The following UBE2E2 variants were observed in gnomAD, a reference collection of about 807,000 sequenced individuals.
UBE2E2 encodes the protein ubiquitin conjugating enzyme E2 E2.
In UBE2E2, 6 loss-of-function variants were observed where a neutral mutation model predicts 24.7. The ratio of observed to expected loss-of-function variants is 0.24; its 90% CI spans 0.13 to 0.48. The LOEUF is 0.48. Among genes scored for constraint, UBE2E2 ranks in the 20% least tolerant of loss-of-function variants. The pLI is 0.99. For missense variants in UBE2E2, 169 were observed against 245.0 expected, an observed-to-expected ratio of 0.69 and a Z score of 2.07; for synonymous variants, 104 against 83.6, an observed-to-expected ratio of 1.24 and a Z score of -1.33.
intron 3 of UBE2E2, among the ~76,000 whole-genome samples, chr3:23,238,132 T>G (rs12330479): frequency 1.3e-5 from 2 of 151,854 alleles, no homozygotes; most frequent in Non-Finnish European, 2.9e-5. Flanking sequence ...GAAAAAAGCC[T>G]GGTTCCCTTG....
chr3:23,459,115 G>C (rs764453723), intron 3 of UBE2E2, among the ~76,000 whole-genome samples: 1 of 152,108 alleles, frequency 6.6e-6, no homozygotes, highest in Non-Finnish European at 1.5e-5. Flanking sequence ...ACTAAACACA[G>C]ATCTTCTGTG....
intron 3 of UBE2E2, among the ~76,000 whole-genome samples, chr3:23,296,268 C>T (rs1466296574): frequency 6.6e-6 from 1 of 151,880 alleles, no homozygotes; most frequent in East Asian, 1.9e-4. Flanking sequence ...TATTTCCAGT[C>T]ACAAAAAAAT....
intron 3 of UBE2E2, among the ~76,000 whole-genome samples, chr3:23,315,864 T>C (rs778149482): frequency 1.3e-5 from 2 of 152,172 alleles, no homozygotes; most frequent in Non-Finnish European, 2.9e-5. Context: ...CTGTGATTCT[T>C]GCAGACCTGT....
chr3:23,409,830 GT>G (rs1303756630), intron 3 of UBE2E2, among the ~76,000 whole-genome samples: 1 of 152,068 alleles, frequency 6.6e-6, no homozygotes, highest in African/African-American at 2.4e-5. Flanking sequence ...AGTCCTTAGA[GT>G]TTTTTAGCTT....
intron 3 of UBE2E2, among the ~76,000 whole-genome samples, chr3:23,371,056 G>A (rs1696386242): frequency 6.6e-6 from 1 of 152,054 alleles, no homozygotes; most frequent in South Asian, 2.1e-4. Context: ...TAGAAATGGG[G>A]TTTTGCTCCA....
intron 3 of UBE2E2, among the ~76,000 whole-genome samples, chr3:23,462,606 T>C (rs959689747): frequency 2.6e-5 from 4 of 152,124 alleles, no homozygotes; most frequent in African/African-American, 9.7e-5. Context: ...TAAGTGACAT[T>C]AGGAACAGGA....
intron 3 of UBE2E2, among the ~76,000 whole-genome samples, chr3:23,426,442 A>G (rs1469926194): frequency 1.3e-5 from 2 of 151,678 alleles, no homozygotes; most frequent in South Asian, 2.1e-4. Flanking sequence ...AAAGCTACAC[A>G]TAGTCATATC....
Position 23,335,613 on chromosome 3 carries a change from C to T in UBE2E2, c.227+118301C>T, listed in dbSNP as rs181164514. On this transcript the variant is annotated intron_variant, in intron 3 of 5. Transcript: ENST00000396703. ...TGGCACTATCATGGCTCACTCACTG[C>T]AGCTGGGGACTCCTGGGCTCAAGTG... Among the ~76,000 whole-genome samples the T allele has an allele frequency of 1.8e-3, 269 of 152,298 alleles. 3 individuals are homozygous for T. Among genetic ancestry groups the T allele is most frequent in the African/African-American group, 6.1e-3 (255 of 41,574 alleles).
At chr3:23,428,190 T>C (rs1280755500) in intron 3 of UBE2E2, among the ~76,000 whole-genome samples, 1 of 152,208 alleles carries the variant, frequency 6.6e-6, no homozygotes, top group African/African-American at 2.4e-5. Context: ...CCTTAACTAA[T>C]TTTAAAAATG....
chr3:23,553,280 C>T (rs1010126823), intron 5 of UBE2E2, among the ~76,000 whole-genome samples: 1 of 151,754 alleles, frequency 6.6e-6, no homozygotes, highest in South Asian at 2.1e-4. Context: ...TATTAAGAAT[C>T]ATTGATATTA....
intron 4 of UBE2E2, among the ~76,000 whole-genome samples, chr3:23,509,622 C>A (rs145123386): frequency 0.016 from 2,469 of 151,912 alleles, 39 homozygotes; most frequent in Non-Finnish European, 0.026. Flanking sequence ...TACATGTGCA[C>A]AACATGTAGG....
At chr3:23,427,261 A>T (rs953193180) in intron 3 of UBE2E2, among the ~76,000 whole-genome samples, 7 of 137,752 alleles carry the variant, frequency 5.1e-5, no homozygotes, top group African/African-American at 8.3e-5. Context: ...ATCTCTACCA[A>T]AAAAAAAAAA....
intron 3 of UBE2E2, among the ~76,000 whole-genome samples, chr3:23,321,332 C>A (rs928432515): frequency 6.6e-6 from 1 of 152,106 alleles, no homozygotes; most frequent in Non-Finnish European, 1.5e-5. Context: ...CTTGGATCTA[C>A]CCTGCAGAGC....
At chr3:23,571,540 G>T (rs552980854) in intron 5 of UBE2E2, among the ~76,000 whole-genome samples, 1 of 151,508 alleles carries the variant, frequency 6.6e-6, no homozygotes, top group African/African-American at 2.4e-5. Context: ...CGCCCATCTC[G>T]GCCTCCCAAA....
At chr3:23,442,685 A>G (rs1160710574) in intron 3 of UBE2E2, among the ~76,000 whole-genome samples, 1 of 152,158 alleles carries the variant, frequency 6.6e-6, no homozygotes, top group Non-Finnish European at 1.5e-5. Flanking sequence ...GAAATTTTCA[A>G]AAGGTAGAAT....
chr3:23,297,644 A>G (rs535297050), intron 3 of UBE2E2, among the ~76,000 whole-genome samples: 12 of 152,080 alleles, frequency 7.9e-5, no homozygotes, highest in East Asian at 1.9e-4. Flanking sequence ...CCATTGGTCT[A>G]TATCTCTGTT....
chr3:23,239,391 T>G (rs757513639), intron 3 of UBE2E2, among the ~76,000 whole-genome samples: 3 of 152,124 alleles, frequency 2.0e-5, no homozygotes, highest in Non-Finnish European at 4.4e-5. Flanking sequence ...CAAAACATTT[T>G]CATCATCCTA....
rs75049275 is a variant in UBE2E2 at position 23,272,545 on chromosome 3, C to T, written c.227+55233C>T. ...TGAGAGCGAGCGAGGGCCGCCAGCA[C>T]GTTGTCACCTCTCAGTATGAGTGTG... On this transcript the variant is annotated intron_variant, in intron 3 of 5. Coordinates refer to ENST00000396703, the MANE Select transcript of UBE2E2 (RefSeq NM_152653.4). Among the ~76,000 whole-genome samples the T allele has an allele frequency of 5.1e-3, 775 of 152,314 alleles. 8 individuals carry two copies. Among genetic ancestry groups the T allele is most frequent in the African/African-American group, 0.018 (742 of 41,570 alleles).
intron 3 of UBE2E2, among the ~76,000 whole-genome samples, chr3:23,434,971 A>G (rs1410812758): frequency 1.3e-5 from 2 of 152,214 alleles, no homozygotes; most frequent in Non-Finnish European, 2.9e-5. Context: ...AGTTCAACCA[A>G]GTATTTAGTA....
Sources: allele counts gnomAD v4.1 joint callset (sites outside exome capture counted in the v4.1 genomes callset), GRCh38; gene constraint gnomAD v4.1.1; transcripts MANE v1.5; gene names NCBI Gene and HGNC (gene_info 2026-07-23, HGNC 2026-07-21).